Variants in EDAR observed in about 807,000 individuals in gnomAD.
EDAR encodes the protein tumor necrosis factor receptor superfamily member EDAR.
Under a neutral mutation model 51.3 loss-of-function variants are expected in EDAR, and 38 were observed. The observed-to-expected ratio is 0.74, with a 90% CI of 0.57 to 0.97. The LOEUF (loss-of-function observed/expected upper bound fraction) is 0.97, where lower values mean the gene tolerates loss of function less well. EDAR is among the 50% of genes least tolerant of loss of function. The pLI is 0.00. For missense variants in EDAR, 528 were observed against 595.0 expected, an observed-to-expected ratio of 0.89 and a Z score of 1.17; for synonymous variants, 227 against 242.1, an observed-to-expected ratio of 0.94 and a Z score of 0.58.
At chr2:108,921,681 T>C (rs548620791) in intron 5 of EDAR, among the ~76,000 whole-genome samples, 25 of 152,254 alleles carry the variant, frequency 1.6e-4, no homozygotes, top group African/African-American at 6.0e-4. Context: ...AGTAAAGAGA[T>C]CTCTGGATTG....
In EDAR at chr2:108,923,350, A is replaced by C; in HGVS notation, c.442+18T>G. 1 of 1,612,210 alleles carries C rather than the reference A, an allele frequency of 6.2e-7. No individual in the cohort carries two copies. Among genetic ancestry groups the C allele is most frequent in the Non-Finnish European group, 8.5e-7 (1 of 1,178,192 alleles). On this transcript the variant is annotated intron_variant, in intron 5 of 11. Coordinates refer to ENST00000258443, the MANE Select transcript of EDAR (RefSeq NM_022336.4). ...TGCTGAACAAATACCGTGCTGGTGG[A>C]AGGACAAAGACACTCACATTCCTTG...
chr2:108,898,114 A>ATAATTGC (rs1469927262), intron 11 of EDAR, among the ~76,000 whole-genome samples: 2 of 152,176 alleles, frequency 1.3e-5, no homozygotes, highest in Non-Finnish European at 2.9e-5. Flanking sequence ...CATTTAGACA[A>ATAATTGC]TAATTGCTCT....
chr2:108,938,278 G>A (rs73952556), intron 1 of EDAR, among the ~76,000 whole-genome samples: 2,280 of 152,266 alleles, frequency 0.015, 29 homozygotes, highest in South Asian at 0.03. Context: ...GTAAACAGTC[G>A]TGGCCTAAAA....
chr2:108,926,984 T>C (rs1235973261), intron 4 of EDAR, among the ~76,000 whole-genome samples: 3 of 152,162 alleles, frequency 2.0e-5, no homozygotes, highest in Non-Finnish European at 4.4e-5. Flanking sequence ...GGGGAAGCCT[T>C]GTCTGCAGTA....
intron 1 of EDAR, among the ~76,000 whole-genome samples, chr2:108,935,054 T>C (rs1697440528): frequency 6.6e-6 from 1 of 152,214 alleles, no homozygotes. Flanking sequence ...CTAGTGCCTG[T>C]AGGCATTTCA....
intron 4 of EDAR, among the ~76,000 whole-genome samples, chr2:108,927,417 C>T (rs756409107): frequency 6.6e-6 from 1 of 152,222 alleles, no homozygotes; most frequent in Non-Finnish European, 1.5e-5. Flanking sequence ...GCAGGGAGCT[C>T]ACCACCCTTC....
chr2:108,915,620 C>G lies in EDAR; in HGVS notation c.443-2856G>C, dbSNP rs545496939. Among the ~76,000 whole-genome samples, 143 of 152,140 alleles carry G rather than the reference C, an allele frequency of 9.4e-4. 2 individuals are homozygous for G. The South Asian group carries it at 1.0e-2, about 11-fold the overall frequency. On this transcript the variant is annotated intron_variant, in intron 5 of 11. Coordinates refer to ENST00000258443, the MANE Select transcript of EDAR (RefSeq NM_022336.4). ...GTGTTCTTATTAGGGAAAGAGCTGC[C>G]CAGGCACGGTGGCTCATGCCTATAA...
chr2:108,942,950 C>A (rs1017937006), intron 1 of EDAR, among the ~76,000 whole-genome samples: 2 of 152,246 alleles, frequency 1.3e-5, no homozygotes, highest in African/African-American at 4.8e-5. Flanking sequence ...TTAGACCATG[C>A]CTTCCCGGCC....
In EDAR at chr2:108,930,203, A is replaced by G; in HGVS notation, c.91T>C (p.Cys31Arg). The G allele has an allele frequency of 6.2e-7, 1 of 1,614,100 alleles. No homozygotes were observed. ...TGGTTGTAGTACTCGTTCTCACCGCAGTTTGAGTATTCCGCTCGGGCTGAG... is the reference window on the plus strand; with the variant it reads ...TGGTTGTAGTACTCGTTCTCACCGCGGTTTGAGTATTCCGCTCGGGCTGAG... ...MCSARAEYSNCGENEYYNQTT... is the reference protein window; with the variant it reads ...MCSARAEYSNRGENEYYNQTT... Residue 31 changes from cysteine (C) to arginine (R), a missense_variant, in exon 3 of 12, where the codon TGC becomes CGC. Cys to Arg is a radical substitution (Grantham distance 180). Transcript: ENST00000258443.
intron 1 of EDAR, among the ~76,000 whole-genome samples, chr2:108,968,731 T>C (rs941559176): frequency 3.3e-5 from 5 of 152,162 alleles, no homozygotes; most frequent in Non-Finnish European, 5.9e-5. Flanking sequence ...TTGATGCTGA[T>C]ACAAAAAGCC....
intron 4 of EDAR, 132 bp downstream of exon 4, chr2:108,929,066 A>C: frequency 9.3e-7 from 1 of 1,071,082 alleles, no homozygotes; most frequent in Non-Finnish European, 1.4e-6. Flanking sequence ...GTGGGATGGG[A>C]CCAAGGCCAG....
intron 1 of EDAR, among the ~76,000 whole-genome samples, chr2:108,977,054 C>T (rs992048874): frequency 1.3e-5 from 2 of 152,144 alleles, no homozygotes; most frequent in Non-Finnish European, 2.9e-5. Context: ...AAAGAACAAG[C>T]TCTCATTTAG....
intron 5 of EDAR, among the ~76,000 whole-genome samples, chr2:108,916,962 A>AC (rs1697040001): frequency 6.6e-6 from 1 of 152,172 alleles, no homozygotes; most frequent in South Asian, 2.1e-4. Context: ...CCCACAGGCC[A>AC]CCCAGGCCAC....
chr2:108,936,853 C>T (rs1352785087), intron 1 of EDAR, among the ~76,000 whole-genome samples: 1 of 152,214 alleles, frequency 6.6e-6, no homozygotes, highest in African/African-American at 2.4e-5. Context: ...GAGAAGGTAG[C>T]CTGGGAGTCC....
Position 108,930,162 on chromosome 2 carries a change from G to A in EDAR, c.132C>T (p.Cys44=). The part of the protein sequence containing the change: ...NEYYNQTTGL[C]QECPPCGPGE... ...CCGGCCCACACGGGGGGCACTCCTG[G>A]CACAGCCCCGTAGTCTGGTTGTAGT... Residue 44 remains cysteine, a synonymous_variant, in exon 3 of 12, where the codon TGC becomes TGT. Transcript: ENST00000258443. The A allele has an allele frequency of 6.2e-7, 1 of 1,614,020 alleles. No homozygotes were observed. The highest frequency in any genetic ancestry group is 8.5e-7 in the Non-Finnish European group (1 of 1,180,024).
At chr2:108,944,092 T>G (rs1697666450) in intron 1 of EDAR, among the ~76,000 whole-genome samples, 1 of 152,228 alleles carries the variant, frequency 6.6e-6, no homozygotes. Flanking sequence ...CTGTTCCTGT[T>G]TCTGTCTCTG....
intron 5 of EDAR, among the ~76,000 whole-genome samples, chr2:108,917,146 C>T (rs149469705): frequency 1.7e-4 from 26 of 152,256 alleles, no homozygotes; most frequent in African/African-American, 4.6e-4. Flanking sequence ...GGCCGACAGG[C>T]GAGGGAAGGT....
intron 5 of EDAR, among the ~76,000 whole-genome samples, chr2:108,918,844 T>C (rs1216522230): frequency 6.6e-6 from 1 of 152,148 alleles, no homozygotes; most frequent in Admixed American, 6.5e-5. Context: ...GGTAAAAGAT[T>C]GCATTTTTAG....
rs2105368841 is a variant in EDAR, at chr2:108,895,128, A to AGGT, written c.*1776_*1778dup. 1 of 152,774 alleles carries AGGT rather than the reference A, an allele frequency of 6.5e-6. No individual in the cohort carries two copies. Among genetic ancestry groups the AGGT allele is most frequent in the Non-Finnish European group, 1.5e-5 (1 of 68,040 alleles). The allele number at this position is 152,774 out of a possible 1,614,324, so 9.5% of individuals were successfully genotyped here. A position where few individuals can be genotyped will look rare whatever the true frequency, so the allele number is the denominator to read the frequency against. Reference sequence around the variant, plus strand: ...ATTTAGCTTGCAGGGTAAACCAAATAGGTTCGAAAAACAGCAGCAAACAGA... The same window carrying AGGT: ...ATTTAGCTTGCAGGGTAAACCAAATAGGTGGTTCGAAAAACAGCAGCAAACAGA... On this transcript the variant is annotated 3_prime_UTR_variant, in exon 12 of 12. Coordinates refer to ENST00000258443, the MANE Select transcript of EDAR (RefSeq NM_022336.4).
Sources: gnomAD v4.1 joint callset for allele counts (sites outside exome capture counted in the v4.1 genomes callset) on GRCh38, gnomAD v4.1.1 for gene constraint, MANE v1.5 for transcripts, NCBI Gene and HGNC (gene_info 2026-07-23, HGNC 2026-07-21) for gene names.